Variants in RELA observed in about 807,000 individuals in gnomAD.
RELA encodes the protein transcription factor p65.
Under a neutral mutation model 56.7 loss-of-function variants are expected in RELA, and 14 were observed. The observed-to-expected ratio is 0.25, with a 90% CI of 0.16 to 0.39. The LOEUF is 0.39. Ranked by LOEUF, RELA falls within the 10% of genes least tolerant of loss-of-function variation. The probability of loss-of-function intolerance (pLI) is 1.00; values close to 1 mark genes in which losing one functional copy is unlikely to be tolerated. For missense variants in RELA, 559 were observed against 736.4 expected (o/e 0.76, Z 2.79); for synonymous variants, 315 against 289.7 (o/e 1.09, Z -0.89).
rs1856340660 is a variant in RELA, at chr11:65,653,750, G to A, written c.*628C>T. On this transcript the variant is annotated 3_prime_UTR_variant, in exon 11 of 11. Coordinates refer to ENST00000406246, the MANE Select transcript of RELA (RefSeq NM_021975.4). Reference sequence around the variant, plus strand: ...AACTTACCCTACTATTAAGGCACTTGAGAAGAGGGAGAGCAAGGAAGTCCC... The same window carrying A: ...AACTTACCCTACTATTAAGGCACTTAAGAAGAGGGAGAGCAAGGAAGTCCC... The A allele has an allele frequency of 6.5e-6, 1 of 154,874 alleles. No individual in the cohort carries two copies. The highest frequency in any genetic ancestry group is 1.4e-5 in the Non-Finnish European group (1 of 69,504). The allele number at this position is 154,874 out of a possible 1,614,324, so 9.6% of individuals were successfully genotyped here.
rs968252952 is a variant in RELA, at chr11:65,662,411, C to T, written c.8-206G>A. 2.1e-5 allele frequency: 12 copies of T among 580,140 alleles called. No homozygotes were observed. The African/African-American group carries it at 2.1e-4, about 10-fold the overall frequency. The allele number at this position is 580,140 out of a possible 1,614,324, so 35.9% of individuals were successfully genotyped here. The stretch of plus-strand genomic sequence containing the variant: ...TTGAGGGAAAACGGGGTAAGGAATC[C>T]TTCTTCTCCAGAGGGAAGCTGAATC... On this transcript the variant is annotated intron_variant, in intron 1 of 10. Transcript: ENST00000406246.
Position 65,655,759 on chromosome 11 carries a change from G to C in RELA, c.962C>G (p.Pro321Arg). Residue 321 changes from proline to arginine, a missense_variant, in exon 10 of 11, where the codon CCC becomes CGC. By Grantham distance (103) the Pro-to-Arg change is moderately radical (BLOSUM62 -2). Around this residue, in one of 4 missense-constraint regions of RELA, gnomAD observed 365 missense variants for 387.5 expected, o/e 0.94. Transcript: ENST00000406246. ...TCGAGGTGGAGGCCGGGGGTCGGTG[G>C]GTCCTGTAGGGCAAGGGCTAGGTCA... ...SIMKKSPFSG[P>R]TDPRPPPRRI... 1 of 1,613,926 alleles carries C rather than the reference G, an allele frequency of 6.2e-7. No individual in the cohort carries two copies. Among genetic ancestry groups the C allele is most frequent in the Non-Finnish European group, 8.5e-7 (1 of 1,179,936 alleles).
At chr11:65,659,564 T>C (rs1351571814) in intron 6 of RELA, 102 bp downstream of exon 6, 1 of 1,422,288 alleles carries the variant, frequency 7.0e-7, no homozygotes, top group African/African-American at 1.4e-5. Flanking sequence ...GCAAGATGAT[T>C]GAATGAAGCC....
chr11:65,659,530 G>T, intron 6 of RELA, 136 bp downstream of exon 6: 3 of 1,152,618 alleles, frequency 2.6e-6, no homozygotes, highest in Non-Finnish European at 3.7e-6. Flanking sequence ...ACAAAGAGCT[G>T]GGCAGAGAAG....
At chr11:65,662,735 G>T in intron 1 of RELA, 91 bp downstream of exon 1, 1 of 1,033,282 alleles carries the variant, frequency 9.7e-7, no homozygotes, top group Non-Finnish European at 1.2e-6. Context: ...GCCCGTCGGC[G>T]CAGGAAGGGG....
chr11:65,654,941 T>C lies in RELA; in HGVS notation c.1093A>G (p.Thr365Ala). The part of the protein sequence containing the change: ...LSTINYDEFP[T>A]MVFPSGQISQ... ...ATCTGCCCAGAAGGAAACACCATGGTGGGAAACTCATCATAGTTGATGGTG... is the reference window on the plus strand; with the variant it reads ...ATCTGCCCAGAAGGAAACACCATGGCGGGAAACTCATCATAGTTGATGGTG... Residue 365 changes from threonine to alanine, a missense_variant, in exon 11 of 11, where the codon ACC becomes GCC. Transcript: ENST00000406246. 1.2e-6 allele frequency: 2 copies of C among 1,603,440 alleles called. No homozygotes were observed. The highest frequency in any genetic ancestry group is 1.7e-6 in the Non-Finnish European group (2 of 1,175,628).
intron 8 of RELA, among the ~76,000 whole-genome samples, chr11:65,656,354 C>T (rs895480349): frequency 1.3e-5 from 2 of 152,184 alleles, no homozygotes; most frequent in Non-Finnish European, 2.9e-5. Flanking sequence ...TTATTCTTAT[C>T]TCTAATGGTT....
At chr11:65,661,128 G>A (rs1343427439) in intron 4 of RELA, among the ~76,000 whole-genome samples, 1 of 151,646 alleles carries the variant, frequency 6.6e-6, no homozygotes, top group African/African-American at 2.4e-5. Context: ...GTGACCTCCT[G>A]GGCTCAGGCG....
Position 65,661,688 on chromosome 11 carries a change from T to C in RELA, c.334A>G (p.Ser112Gly). ...AELCPDRCIHSFQNLGIQCVK... is the reference protein window; with the variant it reads ...AELCPDRCIHGFQNLGIQCVK... ...CCTCCTAGCCTGCAGGGACCTCACC[T>C]GTGGATGCAGCGGTCCGGGCAGAGC... The change falls in exon 4 of 11, where the codon AGT (serine) becomes GGT (glycine). Residue 112 changes from serine (S) to glycine (G), a missense_variant and splice_region_variant. Around this residue, in one of 4 missense-constraint regions of RELA, gnomAD observed 149 missense variants for 256.0 expected, o/e 0.58. Coordinates refer to ENST00000406246, the MANE Select transcript of RELA (RefSeq NM_021975.4). 1 of 1,587,364 alleles carries C rather than the reference T, an allele frequency of 6.3e-7. No homozygotes were observed. Among genetic ancestry groups the C allele is most frequent in the Non-Finnish European group, 8.6e-7 (1 of 1,164,812 alleles).
chr11:65,660,221 C>T lies in RELA; in HGVS notation c.336-6G>A, dbSNP rs746773448. Reference sequence around the variant, plus strand: ...GGATTCCCAGGTTCTGGAAACTGAGCGCCCCCAGTCGTCTGTCCCACTGTC... The same window carrying T: ...GGATTCCCAGGTTCTGGAAACTGAGTGCCCCCAGTCGTCTGTCCCACTGTC... On this transcript the variant is annotated splice_region_variant and splice_polypyrimidine_tract_variant and intron_variant, in intron 4 of 10. Coordinates refer to ENST00000406246, the MANE Select transcript of RELA (RefSeq NM_021975.4). 72 of 1,613,732 alleles carry T rather than the reference C, an allele frequency of 4.5e-5. No homozygotes were observed. In the East Asian group the frequency reaches 1.5e-3, roughly 34 times the overall value.
At chr11:65,660,384 TG>T in intron 4 of RELA, 169 bp from the exon 5 acceptor site, 1 of 638,186 alleles carries the variant, frequency 1.6e-6, no homozygotes, top group South Asian at 1.9e-5. Context: ...TTCACTCAGC[TG>T]ACAAGCACCT....
At chr11:65,660,641 C>A in intron 4 of RELA, 1 of 191,982 alleles carries the variant, frequency 5.2e-6, no homozygotes, top group Non-Finnish European at 1.1e-5. Flanking sequence ...CTCCCCCACC[C>A]CAGGTTATCC....
In RELA at chr11:65,662,188, A is replaced by C. The variant is rs1462514055; in HGVS notation, c.25T>G (p.Phe9Val). The C allele has an allele frequency of 6.3e-7, 1 of 1,588,556 alleles. No individual in the cohort carries two copies. Among genetic ancestry groups the C allele is most frequent in the Non-Finnish European group, 8.5e-7 (1 of 1,171,668 alleles). Reference protein sequence around the residue: MDELFPLIFPAEPAQASGP... With the variant: MDELFPLIVPAEPAQASGP... ...CGCGGGGGCCACTTACCTGCCGGGA[A>C]GATGAGGGGGAACAGTTCTGAAAGG... Residue 9 changes from phenylalanine to valine, a missense_variant, in exon 2 of 11, where the codon TTC becomes GTC. Physicochemically the swap from Phe to Val is conservative, Grantham distance 50 (BLOSUM62 -1). Coordinates refer to ENST00000406246, the MANE Select transcript of RELA (RefSeq NM_021975.4).
Position 65,660,231 on chromosome 11 carries a change from C to A in RELA, c.336-16G>T, listed in dbSNP as rs201815605. The A allele has an allele frequency of 1.9e-6, 3 of 1,613,250 alleles. No homozygotes were observed. The highest frequency in any genetic ancestry group is 2.7e-5 in the African/African-American group (2 of 75,000). The stretch of plus-strand genomic sequence containing the variant: ...GTTCTGGAAACTGAGCGCCCCCAGT[C>A]GTCTGTCCCACTGTCTCTCACAGAG... On this transcript the variant is annotated splice_polypyrimidine_tract_variant and intron_variant, in intron 4 of 10. Transcript: ENST00000406246.
intron 8 of RELA, among the ~76,000 whole-genome samples, chr11:65,656,610 T>G (rs114603796): frequency 0.02 from 2,995 of 152,286 alleles, 93 homozygotes; most frequent in African/African-American, 0.068. Context: ...AAGCACCTAC[T>G]ATGTGCCAGC....
In RELA at chr11:65,658,198, C is replaced by G. The variant is rs1048518409; in HGVS notation, c.877+89G>C. 2.0e-6 allele frequency: 2 copies of G among 1,005,300 alleles called. No individual in the cohort carries two copies. Among genetic ancestry groups the G allele is most frequent in the African/African-American group, 3.3e-5 (2 of 61,236 alleles). The allele number at this position is 1,005,300 out of a possible 1,614,324, so 62.3% of individuals were successfully genotyped here. A position where few individuals can be genotyped will look rare whatever the true frequency, so the allele number is the denominator to read the frequency against. On this transcript the variant is annotated intron_variant, in intron 8 of 10. Coordinates refer to ENST00000406246, the MANE Select transcript of RELA (RefSeq NM_021975.4). This position sits in a 1 kb window ranked among gnomAD's most constrained non-coding sequence, Gnocchi z 4.5. Reference sequence around the variant, plus strand: ...CCAAGCTCTGACTCCAGCTTCTGGCCCTCAACCACAGCCCCAGACATGCAG... The same window carrying G: ...CCAAGCTCTGACTCCAGCTTCTGGCGCTCAACCACAGCCCCAGACATGCAG...
At chr11:65,661,868 C>G in intron 3 of RELA, 33 bp from the exon 4 acceptor site, 1 of 1,602,424 alleles carries the variant, frequency 6.2e-7, no homozygotes, top group Non-Finnish European at 8.5e-7. Flanking sequence ...GACATCCAAA[C>G]CTGACTCCCA....
chr11:65,654,406 G>A lies in RELA; in HGVS notation c.1628C>T (p.Ser543Leu). The A allele has an allele frequency of 1.9e-6, 3 of 1,612,682 alleles. No homozygotes were observed. Among genetic ancestry groups the A allele is most frequent in the Non-Finnish European group, 2.5e-6 (3 of 1,179,416 alleles). ...DFSSIADMDF[S>L]ALLSQISS ...GGAGCTGATCTGACTCAGCAGGGCT[G>A]AGAAGTCCATGTCCGCAATGGAGGA... Residue 543 changes from serine (S) to leucine (L), a missense_variant, in exon 11 of 11, where the codon TCA becomes TTA. Transcript: ENST00000406246.
chr11:65,661,543 A>G, intron 4 of RELA, 144 bp downstream of exon 4: 2 of 695,128 alleles, frequency 2.9e-6, no homozygotes, highest in South Asian at 4.2e-5. Flanking sequence ...TTTCAAGACA[A>G]AGGCAGTTTA....
Sources: allele counts gnomAD v4.1 joint callset (sites outside exome capture counted in the v4.1 genomes callset), GRCh38; gene constraint gnomAD v4.1.1; regional missense constraint gnomAD v4.1.1; non-coding constraint Gnocchi (gnomAD v3.1); transcripts MANE v1.5; gene names NCBI Gene and HGNC (gene_info 2026-07-23, HGNC 2026-07-21).